Variants in USH2A observed in about 807,000 individuals in gnomAD.
USH2A encodes usherin.
A neutral mutation model predicts 538.9 loss-of-function variants in USH2A; 443 were observed. The ratio of observed to expected loss-of-function variants is 0.82; its 90% CI spans 0.76 to 0.89. USH2A has a LOEUF of 0.89. Ranked by LOEUF, USH2A falls within the 40% of genes least tolerant of loss-of-function variation. The pLI, the probability that USH2A is intolerant of heterozygous loss-of-function variation, is 0.00. For synonymous variants in USH2A, 2,413 were observed against 2,273.5 expected, an observed-to-expected ratio of 1.06 and a Z score of -1.75; for missense variants, 6,633 against 6,324.8, an observed-to-expected ratio of 1.05 and a Z score of -1.65.
intron 55 of USH2A, among the ~76,000 whole-genome samples, chr1:215,778,677 T>G (rs1431351833): frequency 6.6e-6 from 1 of 152,084 alleles, no homozygotes; most frequent in Non-Finnish European, 1.5e-5. Context: ...TGCAGTCCAA[T>G]GGAAGGAGGT....
chr1:216,037,756 T>C (rs1044151289), intron 32 of USH2A, among the ~76,000 whole-genome samples: 9 of 151,802 alleles, frequency 5.9e-5, no homozygotes, highest in African/African-American at 2.2e-4. Context: ...GTCATGGGGG[T>C]TTGGTGTACA....
At chr1:215,758,142 C>T (rs551025271) in intron 58 of USH2A, among the ~76,000 whole-genome samples, 5 of 152,044 alleles carry the variant, frequency 3.3e-5, no homozygotes, top group Middle Eastern at 6.8e-3. Flanking sequence ...CAAAATTAGC[C>T]GGGCATGGTG....
At chr1:216,380,288 A>C (rs191711030) in intron 3 of USH2A, among the ~76,000 whole-genome samples, 135 of 152,334 alleles carry the variant, frequency 8.9e-4, no homozygotes, top group African/African-American at 3.0e-3. Flanking sequence ...ATCTTTTTCC[A>C]AATAGCTTAA....
chr1:215,923,349 A>G (rs1344750899), intron 38 of USH2A, among the ~76,000 whole-genome samples: 5 of 151,926 alleles, frequency 3.3e-5, no homozygotes. Context: ...AATCTAGTCT[A>G]CCTCCTTCTC....
chr1:216,410,474 G>A (rs1255163791), intron 3 of USH2A, among the ~76,000 whole-genome samples: 1 of 152,044 alleles, frequency 6.6e-6, no homozygotes, highest in Non-Finnish European at 1.5e-5. Flanking sequence ...ATGGTAGACT[G>A]ATATTTTCTT....
intron 48 of USH2A, among the ~76,000 whole-genome samples, chr1:215,816,631 T>G (rs6540912): frequency 0.39 from 59,441 of 151,870 alleles, 12,032 homozygotes; most frequent in Admixed American, 0.52. Flanking sequence ...AATGCTAAAA[T>G]ATTTCTGACA....
At chr1:215,668,484 C>T (rs540850665) in intron 64 of USH2A, among the ~76,000 whole-genome samples, 71 of 152,182 alleles carry the variant, frequency 4.7e-4, no homozygotes, top group Non-Finnish European at 6.5e-4. Context: ...GTTGTAACTA[C>T]GTGGGATTAG....
chr1:215,762,217 GT>G (rs962300322), intron 56 of USH2A, among the ~76,000 whole-genome samples: 1 of 152,110 alleles, frequency 6.6e-6, no homozygotes, highest in African/African-American at 2.4e-5. Flanking sequence ...ACCAATCAGA[GT>G]TTTGATTTAA....
Position 216,247,143 on chromosome 1 carries a change from G to A in USH2A, c.2251C>T (p.Leu751Phe). Reference protein sequence around the residue: ...DVGCEPCQCNLHGSVNKFCNP... With the variant: ...DVGCEPCQCNFHGSVNKFCNP... Reference sequence around the variant, plus strand: ...CAGAATTTGTTCACTGAGCCATGGAGGTTACACTGGCAGGGCTCACATCCA... The same window carrying A: ...CAGAATTTGTTCACTGAGCCATGGAAGTTACACTGGCAGGGCTCACATCCA... Residue 751 changes from leucine to phenylalanine, a missense_variant, in exon 13 of 72, where the codon CTC (leucine) becomes TTC (phenylalanine). Physicochemically the swap from Leu to Phe is conservative, Grantham distance 22. Coordinates refer to ENST00000307340, the MANE Select transcript of USH2A (RefSeq NM_206933.4). 1 of 1,614,032 alleles carries A rather than the reference G, an allele frequency of 6.2e-7. No individual in the cohort carries two copies. Among genetic ancestry groups the A allele is most frequent in the Non-Finnish European group, 8.5e-7 (1 of 1,179,936 alleles).
intron 11 of USH2A, among the ~76,000 whole-genome samples, chr1:216,289,019 A>G (rs1260373219): frequency 6.6e-6 from 1 of 152,208 alleles, no homozygotes; most frequent in African/African-American, 2.4e-5. Flanking sequence ...CAATTTACTT[A>G]GAACCCCTAC....
chr1:215,922,003 T>G (rs1457377939), intron 38 of USH2A, among the ~76,000 whole-genome samples: 2 of 152,118 alleles, frequency 1.3e-5, no homozygotes, highest in Non-Finnish European at 2.9e-5. Context: ...ACTCTGGAGT[T>G]GTGTTTGTGA....
intron 43 of USH2A, among the ~76,000 whole-genome samples, chr1:215,875,407 C>T (rs181040962): frequency 1.4e-3 from 209 of 152,076 alleles, no homozygotes; most frequent in African/African-American, 4.7e-3. Flanking sequence ...GTCAAAATAT[C>T]CCTTTAACAC....
intron 21 of USH2A, among the ~76,000 whole-genome samples, chr1:216,120,238 A>T (rs2033101614): frequency 1.2e-5 from 1 of 83,588 alleles, no homozygotes; most frequent in Non-Finnish European, 2.8e-5. Context: ...AAAAAAAAAA[A>T]AAAAAAAAAA....
At chr1:215,746,147 C>T (rs540275198) in intron 58 of USH2A, among the ~76,000 whole-genome samples, 4 of 152,254 alleles carry the variant, frequency 2.6e-5, no homozygotes, top group African/African-American at 7.2e-5. Context: ...GTGAAATTTA[C>T]ACATTCTCCC....
intron 21 of USH2A, among the ~76,000 whole-genome samples, chr1:216,108,378 G>T (rs185287424): frequency 4.0e-5 from 6 of 149,540 alleles, no homozygotes. Context: ...TTCTCTAGCT[G>T]ATTTTAAGGT....
Position 215,998,994 on chromosome 1 carries a change from T to G in USH2A, c.6550A>C (p.Thr2184Pro). Residue 2184 changes from threonine (T) to proline (P), a missense_variant, in exon 34 of 72, where the codon ACA (threonine) becomes CCA (proline). By Grantham distance (38) the Thr-to-Pro change is conservative. Transcript: ENST00000307340. ...ACACTCCAAATTGTAAAATCATGTGTATGGTTTGACATATATAATACATAG... is the reference window on the plus strand; with the variant it reads ...ACACTCCAAATTGTAAAATCATGTGGATGGTTTGACATATATAATACATAG... ...ERYVLYMSNHTHDFTIWSVIY... is the reference protein window; with the variant it reads ...ERYVLYMSNHPHDFTIWSVIY... 6.2e-7 allele frequency: 1 copy of G among 1,612,762 alleles called. No homozygotes were observed. The highest frequency in any genetic ancestry group is 8.5e-7 in the Non-Finnish European group (1 of 1,179,012).
chr1:216,110,975 C>T (rs1426811619), intron 21 of USH2A, among the ~76,000 whole-genome samples: 1 of 152,152 alleles, frequency 6.6e-6, no homozygotes, highest in Non-Finnish European at 1.5e-5. Flanking sequence ...CCTGTAATCC[C>T]AGCACTTTGG....
rs562995860 is a variant in USH2A, at chr1:215,645,117, T to G, written c.14791+2405A>C. ...GAGCAAATTACTGACTGAAGACATC[T>G]CTTTTCCTGGAAAATTACAAGACAA... On this transcript the variant is annotated intron_variant, in intron 67 of 71. Coordinates refer to ENST00000307340, the MANE Select transcript of USH2A (RefSeq NM_206933.4). 4.6e-5 allele frequency among the ~76,000 whole-genome samples: 7 copies of G among 152,290 alleles called. No homozygotes were observed. In the South Asian group the frequency reaches 1.5e-3, roughly 32 times the overall value.
intron 21 of USH2A, among the ~76,000 whole-genome samples, chr1:216,121,117 T>C (rs2033130036): frequency 1.3e-5 from 2 of 152,184 alleles, no homozygotes; most frequent in African/African-American, 4.8e-5. Context: ...ACAAATCCTT[T>C]AATTATTTGG....
Sources: allele counts gnomAD v4.1 joint callset (sites outside exome capture counted in the v4.1 genomes callset), GRCh38; gene constraint gnomAD v4.1.1; transcripts MANE v1.5; gene names NCBI Gene and HGNC (gene_info 2026-07-23, HGNC 2026-07-21).